Variants in SNAPC4 observed in about 807,000 individuals in gnomAD.
SNAPC4 encodes the protein small nuclear RNA activating complex polypeptide 4.
A neutral mutation model predicts 151.3 loss-of-function variants in SNAPC4; 127 were observed. The observed-to-expected ratio is 0.84, with a 90% CI of 0.73 to 0.97. The LOEUF (loss-of-function observed/expected upper bound fraction) is 0.97. SNAPC4 is among the 50% of genes least tolerant of loss of function. SNAPC4 has a pLI of 0.00. For synonymous variants in SNAPC4, 1,002 were observed against 824.4 expected, an observed-to-expected ratio of 1.22 and a Z score of -3.69; for missense variants, 2,186 against 1,935.0, an observed-to-expected ratio of 1.13 and a Z score of -2.43.
rs373695470 is a variant in SNAPC4 at position 136,387,586 on chromosome 9, G to A, written c.1231-7C>T. 6 of 1,606,616 alleles carry A rather than the reference G, an allele frequency of 3.7e-6. No individual in the cohort carries two copies. The African/African-American group carries it at 8.0e-5, about 21-fold the overall frequency. ...CAACAGCTTGAAGCAACTTCTGCAG[G>A]AAGGGACAGGCAGACAAGTGAAGCC... On this transcript the variant is annotated splice_polypyrimidine_tract_variant and splice_region_variant and intron_variant, in intron 12 of 23. Coordinates refer to ENST00000684778, the MANE Select transcript of SNAPC4 (RefSeq NM_003086.4).
intron 16 of SNAPC4, 28 bp from the exon 17 acceptor site, chr9:136,382,364 C>A (rs1312896000): frequency 6.2e-7 from 1 of 1,602,256 alleles, no homozygotes. Flanking sequence ...TGAGGCGAGG[C>A]ACGCGGGGTG....
chr9:136,381,354 C>A lies in SNAPC4; in HGVS notation c.2356G>T (p.Ala786Ser), dbSNP rs765433145. 1 of 1,612,830 alleles carries A rather than the reference C, an allele frequency of 6.2e-7. No homozygotes were observed. The highest frequency in any genetic ancestry group is 8.5e-7 in the Non-Finnish European group (1 of 1,179,860). ...AACAGGGTAAACACAGGGGTGCTGG[C>A]CAGGCGGGCCTGCTGCAGCTGCTCC... ...LREQLQQARL[A>S]STPVFTLFTQ... The change falls in exon 19 of 24, where the codon GCC (alanine) becomes TCC (serine). Residue 786 changes from alanine to serine, a missense_variant. By Grantham distance (99) the Ala-to-Ser change is moderately conservative (BLOSUM62 1). Transcript: ENST00000684778.
At chr9:136,387,924 A>AG (rs556436246) in intron 11 of SNAPC4, 76 bp from the exon 12 acceptor site, 1 of 875,112 alleles carries the variant, frequency 1.1e-6, no homozygotes. Flanking sequence ...TAGGGACAAC[A>AG]GGGTCCCGTG....
chr9:136,398,344 G>C lies in SNAPC4; in HGVS notation c.85C>G (p.His29Asp). The change falls in exon 2 of 24, where the codon CAC (histidine) becomes GAC (aspartate). Residue 29 changes from histidine to aspartate, a missense_variant. Transcript: ENST00000684778. ...AGACTTGATTCTGAGATCTCCACGT[G>C]GGAGCCCGAGGAGCCGGGATCCAAA... The part of the protein sequence containing the change: ...RILDPGSSGS[H>D]VEISESSLES... The C allele has an allele frequency of 6.2e-7, 1 of 1,613,898 alleles. No homozygotes were observed. Among genetic ancestry groups the C allele is most frequent in the East Asian group, 2.2e-5 (1 of 44,878 alleles).
At chr9:136,382,202 C>T (rs755019257) in intron 17 of SNAPC4, 51 bp downstream of exon 17, 2 of 1,603,870 alleles carry the variant, frequency 1.2e-6, no homozygotes, top group South Asian at 2.2e-5. Flanking sequence ...TCACTCAGAC[C>T]AGGGCGGGGC....
In SNAPC4 at chr9:136,376,389, G is replaced by A. The variant is rs1428956581; in HGVS notation, c.4377C>T (p.Ala1459=). Residue 1459 remains alanine (A), a synonymous_variant, in exon 23 of 24, where the codon GCC becomes GCT. Transcript: ENST00000684778. ...GCCGCCTCCGCTTCCGGGTGTGCCT[G>A]GCATGCCGGGTTCTGAGCACGTCCA... ...DDLDVLRTRH[A]RHTRKRRRLV is the part of the protein sequence containing the mutation. The A allele has an allele frequency of 2.5e-6, 4 of 1,613,264 alleles. No homozygotes were observed. The highest frequency in any genetic ancestry group is 2.7e-5 in the African/African-American group (2 of 74,946).
In SNAPC4 at chr9:136,392,073, T is replaced by C. The variant is rs1035736128; in HGVS notation, c.844A>G (p.Lys282Glu). Residue 282 changes from lysine to glutamate, a missense_variant, in exon 10 of 24, where the codon AAG (lysine) becomes GAG (glutamate). Transcript: ENST00000684778. Reference protein sequence around the residue: ...EGSRSAEEIRKFWQNSEHPSI... With the variant: ...EGSRSAEEIREFWQNSEHPSI... Reference sequence around the variant, plus strand: ...GGGTGCTCCGAGTTCTGCCAGAACTTCCGGATCTCCTCTGCACTGCGGCTG... The same window carrying C: ...GGGTGCTCCGAGTTCTGCCAGAACTCCCGGATCTCCTCTGCACTGCGGCTG... 1.2e-6 allele frequency: 2 copies of C among 1,612,398 alleles called. No individual in the cohort carries two copies. Among genetic ancestry groups the C allele is most frequent in the South Asian group, 1.1e-5 (1 of 91,066 alleles).
chr9:136,384,738 T>C lies in SNAPC4; in HGVS notation c.1402A>G (p.Ile468Val), dbSNP rs747421944. Residue 468 changes from isoleucine (I) to valine (V), a missense_variant, in exon 14 of 24, where the codon ATA (isoleucine) becomes GTA (valine). Ile to Val is a conservative substitution (Grantham distance 29, BLOSUM62 3). Coordinates refer to ENST00000684778, the MANE Select transcript of SNAPC4 (RefSeq NM_003086.4). The part of the protein sequence containing the change: ...LKEEEQLIEL[I>V]EKYGVGHWAK... ...AACTTACCGACACCATATTTTTCTATTAATTCAATTAACTGTTCCTCTTCT... is the reference window on the plus strand; with the variant it reads ...AACTTACCGACACCATATTTTTCTACTAATTCAATTAACTGTTCCTCTTCT... The C allele has an allele frequency of 3.2e-6, 5 of 1,548,110 alleles. No individual in the cohort carries two copies. Among genetic ancestry groups the C allele is most frequent in the Non-Finnish European group, 4.4e-6 (5 of 1,130,296 alleles).
chr9:136,379,970 A>C, intron 20 of SNAPC4, 106 bp from the exon 21 acceptor site: 1 of 1,429,834 alleles, frequency 7.0e-7, no homozygotes, highest in Non-Finnish European at 9.7e-7. Flanking sequence ...AAATGGGACG[A>C]GGCCCCAAGG....
chr9:136,381,772 T>A lies in SNAPC4; in HGVS notation c.2317+52A>T, dbSNP rs983695332. On this transcript the variant is annotated intron_variant, in intron 18 of 23. Transcript: ENST00000684778. Reference sequence around the variant, plus strand: ...CCGTCTGCTAGGCTGGATGTACTCTTCATCCTCACCCCTCGCCCCCAGGAT... The same window carrying A: ...CCGTCTGCTAGGCTGGATGTACTCTACATCCTCACCCCTCGCCCCCAGGAT... 8.9e-6 allele frequency: 14 copies of A among 1,570,370 alleles called. No homozygotes were observed. The East Asian group carries it at 3.1e-4, about 35-fold the overall frequency.
At chr9:136,384,174 G>T (rs1833811817) in intron 14 of SNAPC4, 142 bp from the exon 15 acceptor site, 4 of 647,538 alleles carry the variant, frequency 6.2e-6, no homozygotes, top group Non-Finnish European at 1.1e-5. Flanking sequence ...CAAGCATGTT[G>T]GGTGCCTACA....
chr9:136,398,510 C>A, intron 1 of SNAPC4, 73 bp from the exon 2 acceptor site: 1 of 1,549,430 alleles, frequency 6.5e-7, no homozygotes, highest in Non-Finnish European at 8.8e-7. Flanking sequence ...TCAGACACAC[C>A]CGCCCATGGG....
chr9:136,399,332 C>G (rs956253547), intron 1 of SNAPC4, among the ~76,000 whole-genome samples: 2 of 152,242 alleles, frequency 1.3e-5, no homozygotes, highest in Non-Finnish European at 2.9e-5. Context: ...GGTCCCCTCA[C>G]TCCTTCACAA....
chr9:136,375,845 C>G (rs1170483635), intron 23 of SNAPC4, 45 bp from the exon 24 acceptor site: 2 of 152,474 alleles, frequency 1.3e-5, no homozygotes, highest in Non-Finnish European at 1.5e-5. Flanking sequence ...TGACCCCAGC[C>G]AGACCCCAAG....
At position 136,383,756 on chromosome 9, in the gene SNAPC4, C is replaced by A; in HGVS notation, c.1501-88G>T. 6.6e-7 allele frequency: 1 copy of A among 1,519,132 alleles called. No homozygotes were observed. The highest frequency in any genetic ancestry group is 1.3e-5 in the South Asian group (1 of 79,346). 94.1% of individuals were successfully genotyped at this position (1,519,132 alleles called of 1,614,324 possible). A position where few individuals can be genotyped will look rare whatever the true frequency, so the allele number is the denominator to read the frequency against. ...AGCAGGCCAGCCCTTTGGGGAGAGG[C>A]CCAAGCGGGGGCGCCTCCGGGGTCA... On this transcript the variant is annotated intron_variant, in intron 15 of 23. Transcript: ENST00000684778. This position sits in a 1 kb window ranked among gnomAD's most constrained non-coding sequence, Gnocchi z 4.2.
chr9:136,379,367 C>T, intron 21 of SNAPC4, 68 bp from the exon 22 acceptor site: 1 of 1,591,802 alleles, frequency 6.3e-7, no homozygotes, highest in Non-Finnish European at 8.5e-7. Context: ...CCCTCGCTGC[C>T]ATCCCCTCAT....
Position 136,379,104 on chromosome 9 carries a change from C to A in SNAPC4, c.2723G>T (p.Arg908Met), listed in dbSNP as rs1564378838. ...CACCACCGGGCCCCGGGTGGCCTCC[C>A]TGGCACGGGCCTCCTGAAGCCGCTT... ...QEKRLQEARA[R>M]EATRGPVVLP... Residue 908 changes from arginine to methionine, a missense_variant, in exon 22 of 24, where the codon AGG (arginine) becomes ATG (methionine). Transcript: ENST00000684778. 1 of 1,561,624 alleles carries A rather than the reference C, an allele frequency of 6.4e-7. No homozygotes were observed. The highest frequency in any genetic ancestry group is 1.2e-5 in the South Asian group (1 of 84,932).
At chr9:136,380,923 G>T in intron 19 of SNAPC4, 73 bp from the exon 20 acceptor site, 1 of 882,012 alleles carries the variant, frequency 1.1e-6, no homozygotes, top group South Asian at 1.4e-5. Flanking sequence ...GGCCTAGGCA[G>T]AACCTGGGGC....
In SNAPC4 at chr9:136,383,267, G is replaced by T. The variant is rs376071709; in HGVS notation, c.1902C>A (p.Ala634=). 4.1e-4 allele frequency: 668 copies of T among 1,610,920 alleles called. 8 individuals are homozygous for T. In the South Asian group the frequency reaches 6.9e-3, roughly 17 times the overall value. Residue 634 remains alanine (A), a synonymous_variant, in exon 16 of 24, where the codon GCC becomes GCA. Coordinates refer to ENST00000684778, the MANE Select transcript of SNAPC4 (RefSeq NM_003086.4). The surrounding 1 kb of genome is among the most constrained non-coding windows in gnomAD (Gnocchi z 4.2). ...GGGCAGACCTCGGGACAGGGCCGTG[G>T]GCCCTGGCAGGGACCTGCACCGGAC... is the stretch of plus-strand genomic sequence containing the variant. ...ETSPVQVPAR[A]HGPVPRSAQA...
Sources: gnomAD v4.1 joint callset for allele counts (sites outside exome capture counted in the v4.1 genomes callset) on GRCh38, gnomAD v4.1.1 for gene constraint, Gnocchi (gnomAD v3.1) non-coding constraint, MANE v1.5 for transcripts, NCBI Gene and HGNC (gene_info 2026-07-23, HGNC 2026-07-21) for gene names.